The following CENPC variants were observed in gnomAD, a reference collection of about 807,000 sequenced individuals.
CENPC encodes centromere protein C.
A neutral mutation model predicts 112.1 loss-of-function variants in CENPC; 63 were observed. The ratio of observed to expected loss-of-function variants is 0.56; its 90% CI spans 0.46 to 0.69. The LOEUF (loss-of-function observed/expected upper bound fraction) is 0.69. CENPC is among the 30% of genes least tolerant of loss of function. CENPC has a pLI of 0.00. For synonymous variants in CENPC, 333 were observed against 367.6 expected, an observed-to-expected ratio of 0.91 and a Z score of 1.08; for missense variants, 1,000 against 1,103.8, an observed-to-expected ratio of 0.91 and a Z score of 1.33.
Position 67,506,915 on chromosome 4 carries a change from T to C in CENPC, c.1924A>G (p.Asn642Asp). The change falls in exon 11 of 19, where the codon AAT becomes GAT. Residue 642 changes from asparagine (N) to aspartate (D), a missense_variant. Physicochemically the swap from Asn to Asp is conservative, Grantham distance 23 (BLOSUM62 1). Coordinates refer to ENST00000273853, the MANE Select transcript of CENPC (RefSeq NM_001812.4). ...TGTGCAGTCATAATGTTATCTTCAT[T>C]CTTTGAGCTTCTTGTAGATCTATAA... ...DCSRSTRSSK[N>D]EDNIMTAQNV... 1 of 1,607,576 alleles carries C rather than the reference T, an allele frequency of 6.2e-7. No homozygotes were observed. Among genetic ancestry groups the C allele is most frequent in the African/African-American group, 1.3e-5 (1 of 74,666 alleles).
intron 17 of CENPC, among the ~76,000 whole-genome samples, chr4:67,489,508 T>C (rs1054584577): frequency 6.6e-6 from 1 of 152,050 alleles, no homozygotes; most frequent in Middle Eastern, 3.2e-3. Context: ...TATTGATATA[T>C]AAAAATTTTA....
chr4:67,538,627 G>A (rs767580082), intron 4 of CENPC, among the ~76,000 whole-genome samples: 5 of 152,140 alleles, frequency 3.3e-5, no homozygotes, highest in South Asian at 2.1e-4. Flanking sequence ...GACAGGAGAC[G>A]GTTACATAGA....
intron 14 of CENPC, 124 bp downstream of exon 14, chr4:67,493,760 C>A: frequency 5.1e-6 from 3 of 584,736 alleles, no homozygotes; most frequent in South Asian, 2.2e-5. Flanking sequence ...AATTTAAATC[C>A]TATTATCAAA....
chr4:67,513,061 A>G (rs1577991823), intron 8 of CENPC, among the ~76,000 whole-genome samples: 1 of 152,180 alleles, frequency 6.6e-6, no homozygotes, highest in South Asian at 2.1e-4. Flanking sequence ...AGATGATGGA[A>G]GAAGAGGCAA....
intron 12 of CENPC, among the ~76,000 whole-genome samples, chr4:67,496,327 T>A (rs986994398): frequency 2.0e-5 from 3 of 152,188 alleles, no homozygotes; most frequent in African/African-American, 7.2e-5. Flanking sequence ...TGTACTCAAG[T>A]GGCAATTACC....
rs948513141 is a variant in CENPC at position 67,474,724 on chromosome 4, T to C, written c.2761+164A>G. On this transcript the variant is annotated intron_variant, in intron 18 of 18. Transcript: ENST00000273853. The stretch of plus-strand genomic sequence containing the variant: ...AAAACAAAAAAAAACCACCACAAAA[T>C]GCTAATACACTTACCTAATGATCAA... 23 of 607,148 alleles carry C rather than the reference T, an allele frequency of 3.8e-5. No individual in the cohort carries two copies. In the Admixed American group the frequency reaches 5.2e-4, roughly 14 times the overall value. 37.6% of individuals were successfully genotyped at this position (607,148 alleles called of 1,614,324 possible).
At chr4:67,489,768 G>A (rs1380871140) in intron 17 of CENPC, among the ~76,000 whole-genome samples, 199 bp downstream of exon 17, 1 of 152,048 alleles carries the variant, frequency 6.6e-6, no homozygotes, top group Non-Finnish European at 1.5e-5. Context: ...TCAAAATACA[G>A]TGCTATGCAG....
rs986133293 is a variant in CENPC at position 67,506,850 on chromosome 4, A to G, written c.1989T>C (p.Cys663=). 1.2e-6 allele frequency: 2 copies of G among 1,612,412 alleles called. No individual in the cohort carries two copies. The highest frequency in any genetic ancestry group is 8.5e-7 in the Non-Finnish European group (1 of 1,179,024). The change falls in exon 11 of 19, where the codon TGT becomes TGC. Residue 663 remains cysteine (C), a synonymous_variant. Transcript: ENST00000273853. The part of the protein sequence containing the change: ...PLKPQTSGYT[C]NIPTESNLDS... Reference sequence around the variant, plus strand: ...CCAAGTTTGACTCTGTTGGTATATTACATGTATATCCACTGGTCTGAGGCT... The same window carrying G: ...CCAAGTTTGACTCTGTTGGTATATTGCATGTATATCCACTGGTCTGAGGCT...
At chr4:67,502,706 A>G (rs355519) in intron 12 of CENPC, among the ~76,000 whole-genome samples, 25,602 of 152,074 alleles carry the variant, frequency 0.17, 2,976 homozygotes, top group East Asian at 0.57. Context: ...CAAATCTAAC[A>G]TCCTGTTCTT....
chr4:67,538,367 A>G (rs539004994), intron 4 of CENPC, among the ~76,000 whole-genome samples: 1 of 152,208 alleles, frequency 6.6e-6, no homozygotes, highest in Non-Finnish European at 1.5e-5. Flanking sequence ...TTAGAGCACA[A>G]TGTCTTAAAA....
chr4:67,484,929 G>A (rs1023596703), intron 17 of CENPC, among the ~76,000 whole-genome samples: 8 of 151,940 alleles, frequency 5.3e-5, no homozygotes, highest in African/African-American at 1.7e-4. Flanking sequence ...CCATCTCTAT[G>A]AAAAATACAA....
In CENPC at chr4:67,515,729, T is replaced by A. The variant is rs143311920; in HGVS notation, c.831-1042A>T. 2.4e-3 allele frequency among the ~76,000 whole-genome samples: 371 copies of A among 152,042 alleles called. 7 individuals carry two copies. The highest frequency in any genetic ancestry group is 8.5e-3 in the African/African-American group (350 of 41,334). ...GCATTCCAAGTTTGGGTATTTCACATATATTTTCATATTATAATCATGGTA... is the reference window on the plus strand; with the variant it reads ...GCATTCCAAGTTTGGGTATTTCACAAATATTTTCATATTATAATCATGGTA... On this transcript the variant is annotated intron_variant, in intron 7 of 18. Coordinates refer to ENST00000273853, the MANE Select transcript of CENPC (RefSeq NM_001812.4).
intron 17 of CENPC, among the ~76,000 whole-genome samples, chr4:67,488,723 T>C (rs564290201): frequency 6.6e-6 from 1 of 152,138 alleles, no homozygotes; most frequent in South Asian, 2.1e-4. Flanking sequence ...TTTATTATTA[T>C]ACAGGGACCA....
chr4:67,531,959 A>G (rs1370688123), intron 4 of CENPC, among the ~76,000 whole-genome samples: 1 of 152,232 alleles, frequency 6.6e-6, no homozygotes, highest in Non-Finnish European at 1.5e-5. Context: ...TGAACAGGCA[A>G]CCTACAGAAT....
At chr4:67,522,871 G>T (rs556892421) in intron 5 of CENPC, among the ~76,000 whole-genome samples, 1 of 152,044 alleles carries the variant, frequency 6.6e-6, no homozygotes, top group African/African-American at 2.4e-5. Context: ...GCAGTGGTGT[G>T]TGCCTATAAT....
At chr4:67,512,297 T>C (rs1560432925) in intron 9 of CENPC, 105 bp downstream of exon 9, 15 of 784,800 alleles carry the variant, frequency 1.9e-5, no homozygotes, top group Non-Finnish European at 2.4e-5. Flanking sequence ...CCAATTTAAC[T>C]TGGTCCTCAT....
In CENPC at chr4:67,500,354, ATG is replaced by A. The variant is rs1185713564; in HGVS notation, c.2131+4849_2131+4850del. Among the ~76,000 whole-genome samples, 5 of 152,080 alleles carry A rather than the reference ATG, an allele frequency of 3.3e-5. No homozygotes were observed. The East Asian group carries it at 9.6e-4, about 29-fold the overall frequency. On this transcript the variant is annotated intron_variant, in intron 12 of 18. Transcript: ENST00000273853. ...TTGTATATGGTGTGTACATATGTGTATGTGTGTGTGTATATATATATCTATTT... is the reference window on the plus strand; with the variant it reads ...TTGTATATGGTGTGTACATATGTGTATGTGTGTGTATATATATATCTATTT...
intron 13 of CENPC, among the ~76,000 whole-genome samples, chr4:67,494,948 T>C (rs1046529664): frequency 6.6e-6 from 1 of 152,140 alleles, no homozygotes; most frequent in Non-Finnish European, 1.5e-5. Context: ...GAGAGGGCAA[T>C]AGGATTTATA....
At chr4:67,511,371 T>C (rs550804547) in intron 9 of CENPC, among the ~76,000 whole-genome samples, 8 of 152,264 alleles carry the variant, frequency 5.3e-5, no homozygotes, top group African/African-American at 1.9e-4. Context: ...CCAAAGTCAA[T>C]AGTATTTGTG....
Sources: allele counts gnomAD v4.1 joint callset (sites outside exome capture counted in the v4.1 genomes callset), GRCh38; gene constraint gnomAD v4.1.1; transcripts MANE v1.5; gene names NCBI Gene and HGNC (gene_info 2026-07-23, HGNC 2026-07-21).